SLC6A16: variants seen among roughly 807,000 people sequenced by gnomAD.
The protein encoded by SLC6A16 is orphan sodium- and chloride-dependent neurotransmitter transporter NTT5.
In SLC6A16, 54 loss-of-function variants were observed where a neutral mutation model predicts 65.4. The observed-to-expected ratio is 0.83, with a 90% confidence interval of 0.66 to 1.04. The LOEUF (loss-of-function observed/expected upper bound fraction) is 1.04. Ranked by LOEUF, SLC6A16 falls within the 50% of genes least tolerant of loss-of-function variation. The probability of loss-of-function intolerance (pLI) is 0.00; values close to 1 mark genes in which losing one functional copy is unlikely to be tolerated. For missense variants in SLC6A16, 816 were observed against 914.0 expected (o/e 0.89, Z 1.38); for synonymous variants, 330 against 346.5 (o/e 0.95, Z 0.53).
intron 1 of SLC6A16, among the ~76,000 whole-genome samples, chr19:49,317,973 A>G (rs1016665571): frequency 2.0e-5 from 3 of 152,200 alleles, no homozygotes; most frequent in Admixed American, 6.5e-5. Flanking sequence ...GAAGAATACA[A>G]ACAGAGCCTG....
At chr19:49,327,199 C>T (rs1289004856), upstream of SLC6A16, among the ~76,000 whole-genome samples, 6 of 152,004 alleles carry the variant, frequency 3.9e-5, no homozygotes, top group African/African-American at 7.2e-5. Flanking sequence ...CTCAGCCTTC[C>T]GAGTAGCTGG....
At chr19:49,337,476 T>C in the SLC6A16 span, 1 of 601,706 alleles carries the variant, frequency 1.7e-6, no homozygotes, top group Non-Finnish European at 2.8e-6. Context: ...AAAAAAAAAA[T>C]CCGGGTGTGA....
chr19:49,311,781 G>A (rs1451951347), intron 1 of SLC6A16, among the ~76,000 whole-genome samples: 8 of 150,358 alleles, frequency 5.3e-5, no homozygotes, highest in African/African-American at 1.7e-4. Flanking sequence ...CCCAGGAGGC[G>A]TAGGTTGCAG....
upstream of SLC6A16, among the ~76,000 whole-genome samples, chr19:49,326,131 C>T (rs1209754230): frequency 6.6e-6 from 1 of 151,140 alleles, no homozygotes; most frequent in Non-Finnish European, 1.5e-5. Flanking sequence ...GATTTTGCCA[C>T]TGCACTCCAG....
At chr19:49,298,660 C>T (rs1402921588) in intron 7 of SLC6A16, among the ~76,000 whole-genome samples, 2 of 152,144 alleles carry the variant, frequency 1.3e-5, no homozygotes, top group African/African-American at 4.8e-5. Flanking sequence ...TCTCAAATAA[C>T]TTAAAAGGGA....
At chr19:49,338,927 C>A in the SLC6A16 span, 1 of 1,612,254 alleles carries the variant, frequency 6.2e-7, no homozygotes, top group African/African-American at 1.3e-5. This position sits in a 1 kb window ranked among gnomAD's most constrained non-coding sequence, Gnocchi z 5.0. Context: ...AGAGCCACAT[C>A]TACCGCGAGG....
upstream of SLC6A16, chr19:49,325,234 C>T (rs76779193): frequency 2.0e-5 from 20 of 984,544 alleles, no homozygotes; most frequent in Non-Finnish European, 2.3e-5. Context: ...GCGCATGCGC[C>T]GCCGCGCCCC....
upstream of SLC6A16, chr19:49,325,200 C>G (rs973388636): frequency 1.0e-6 from 1 of 985,404 alleles, no homozygotes; most frequent in African/African-American, 1.7e-5. Context: ...CTGCCTGGCG[C>G]GCGGCCTTTC....
At chr19:49,340,082 G>T in the SLC6A16 span, 1 of 1,529,144 alleles carries the variant, frequency 6.5e-7, no homozygotes, top group Non-Finnish European at 8.8e-7. Flanking sequence ...TCATCAGCCA[G>T]CCCTGCGGCA....
rs764937104 is a variant in SLC6A16, at chr19:49,292,165, G to A, written c.1778+1058C>T. The stretch of plus-strand genomic sequence containing the variant: ...CAGGTGATCACGAGGTCAAGAGTTC[G>A]AGACCAGCCTGGCCAACATGGTGAA... On this transcript the variant is annotated intron_variant, in intron 10 of 11. Transcript: ENST00000335875. This position sits in a 1 kb window ranked among gnomAD's most constrained non-coding sequence, Gnocchi z 4.3. 1.2e-4 allele frequency among the ~76,000 whole-genome samples: 19 copies of A among 152,186 alleles called. No individual in the cohort carries two copies. The highest frequency in any genetic ancestry group is 1.7e-4 in the African/African-American group (7 of 41,540).
At chr19:49,336,877 C>T in the SLC6A16 span, 1 of 1,611,610 alleles carries the variant, frequency 6.2e-7, no homozygotes. Context: ...CTGTGCCACA[C>T]AGCTCATCAT....
At chr19:49,309,914 C>T (rs1970478716) in intron 4 of SLC6A16, 88 bp from the exon 5 acceptor site, 6 of 1,521,532 alleles carry the variant, frequency 3.9e-6, no homozygotes, top group Admixed American at 1.8e-5. Context: ...TTTCTCTTTC[C>T]CTCTCCCATT....
At chr19:49,325,326 A>G, upstream of SLC6A16, 19 of 746,132 alleles carry the variant, frequency 2.5e-5, no homozygotes, top group South Asian at 6.0e-5. Flanking sequence ...ACACGCACGC[A>G]CGTGTGCACA....
chr19:49,335,570 C>T, the SLC6A16 span: 1 of 1,614,082 alleles, frequency 6.2e-7, no homozygotes, highest in Non-Finnish European at 8.5e-7. This position sits in a 1 kb window ranked among gnomAD's most constrained non-coding sequence, Gnocchi z 4.6. Flanking sequence ...GCCTCAGCCT[C>T]ATCAAGTACT....
Position 49,310,496 on chromosome 19 carries a change from T to A in SLC6A16, c.430A>T (p.Ile144Phe). 1 of 1,614,092 alleles carries A rather than the reference T, an allele frequency of 6.2e-7. No homozygotes were observed. The highest frequency in any genetic ancestry group is 1.6e-4 in the Middle Eastern group (1 of 6,062). The change falls in exon 3 of 12, where the codon ATC (isoleucine) becomes TTC (phenylalanine). Residue 144 changes from isoleucine to phenylalanine, a missense_variant. Coordinates refer to ENST00000335875, the MANE Select transcript of SLC6A16 (RefSeq NM_014037.3). The stretch of plus-strand genomic sequence containing the variant: ...ACCAGGAACAGCATGAAGATGTAGA[T>A]GGCAGCGAAACTGCCTGTGAAGAAG... ...LNSGGCSFAAIYIFMLFLVGV... is the reference protein window; with the variant it reads ...LNSGGCSFAAFYIFMLFLVGV...
At position 49,290,601 on chromosome 19, in the gene SLC6A16, T is replaced by G; in HGVS notation, c.1941+4A>C. 6.2e-7 allele frequency: 1 copy of G among 1,614,006 alleles called. No homozygotes were observed. Reference sequence around the variant, plus strand: ...AGGGGTTCTGGGTCCTGGGGGAGGCTCACGGTGCTTGAGTCCCAGGACATG... The same window carrying G: ...AGGGGTTCTGGGTCCTGGGGGAGGCGCACGGTGCTTGAGTCCCAGGACATG... On this transcript the variant is annotated splice_donor_region_variant and intron_variant, in intron 11 of 11. Transcript: ENST00000335875.
chr19:49,338,933 C>G, the SLC6A16 span: 1 of 1,610,788 alleles, frequency 6.2e-7, no homozygotes, highest in East Asian at 2.2e-5. The surrounding 1 kb of genome is among the most constrained non-coding windows in gnomAD (Gnocchi z 5.0). Context: ...ACATCTACCG[C>G]GAGGTGGGCA....
rs568800251 is a variant in SLC6A16 at position 49,305,394 on chromosome 19, C to T, written c.1229+3482G>A. ...ATCACTTGAGGTCAGGAGTTTGAAA[C>T]CATCCTGGTGAACATGGTGAAACCC... On this transcript the variant is annotated intron_variant, in intron 7 of 11. Transcript: ENST00000335875. Among the ~76,000 whole-genome samples the T allele has an allele frequency of 2.7e-3, 408 of 152,132 alleles. 5 individuals are homozygous for T. Among genetic ancestry groups the T allele is most frequent in the Non-Finnish European group, 2.6e-3 (179 of 68,012 alleles).
chr19:49,295,030 C>T (rs1970159127), intron 7 of SLC6A16, among the ~76,000 whole-genome samples: 1 of 152,068 alleles, frequency 6.6e-6, no homozygotes. Context: ...CCCTACGGCC[C>T]TCTTCACATT....
Sources: gnomAD v4.1 joint callset for allele counts (sites outside exome capture counted in the v4.1 genomes callset) on GRCh38, gnomAD v4.1.1 for gene constraint, Gnocchi (gnomAD v3.1) non-coding constraint, MANE v1.5 for transcripts, NCBI Gene and HGNC (gene_info 2026-07-23, HGNC 2026-07-21) for gene names.